The following PRTG variants were observed in gnomAD, a reference collection of about 807,000 sequenced individuals.
PRTG encodes protogenin.
In PRTG, 67 loss-of-function variants were observed where a neutral mutation model predicts 122.5. The observed-to-expected ratio is 0.55, with a 90% CI of 0.45 to 0.67. The LOEUF is 0.67. Ranked by LOEUF, PRTG falls within the 30% of genes least tolerant of loss-of-function variation. The pLI, the probability that PRTG is intolerant of heterozygous loss-of-function variation, is 0.00. For synonymous variants in PRTG, 554 were observed against 501.1 expected, an observed-to-expected ratio of 1.11 and a Z score of -1.41; for missense variants, 1,435 against 1,415.4, an observed-to-expected ratio of 1.01 and a Z score of -0.22.
chr15:55,671,032 C>A (rs558547180), intron 11 of PRTG, among the ~76,000 whole-genome samples: 1 of 151,986 alleles, frequency 6.6e-6, no homozygotes. Context: ...TAACTGAATG[C>A]AGATTAAATT....
intron 11 of PRTG, among the ~76,000 whole-genome samples, chr15:55,659,257 C>G (rs556751226): frequency 2.6e-5 from 4 of 152,130 alleles, no homozygotes; most frequent in Admixed American, 6.5e-5. Flanking sequence ...GTTAGGGAAC[C>G]CTCGTGGGAT....
intron 2 of PRTG, among the ~76,000 whole-genome samples, chr15:55,688,939 A>G (rs1162630925): frequency 6.6e-6 from 1 of 152,190 alleles, no homozygotes; most frequent in East Asian, 1.9e-4. Flanking sequence ...TTGTCACACC[A>G]CTATCAAATT....
At chr15:55,730,874 G>A (rs2031207430) in intron 2 of PRTG, among the ~76,000 whole-genome samples, 1 of 152,158 alleles carries the variant, frequency 6.6e-6, no homozygotes, top group Admixed American at 6.5e-5. Context: ...CTTGAGAAAG[G>A]CACTTACCCC....
intron 11 of PRTG, among the ~76,000 whole-genome samples, chr15:55,654,458 C>T (rs945408250): frequency 3.3e-5 from 5 of 151,980 alleles, no homozygotes; most frequent in East Asian, 1.9e-4. Flanking sequence ...GTTAGAATAG[C>T]GGTGTGTGTG....
chr15:55,679,833 G>C (rs1391103459), intron 6 of PRTG: 3 of 505,254 alleles, frequency 5.9e-6, no homozygotes, highest in Non-Finnish European at 1.0e-5. Context: ...GCCTAAATAA[G>C]AAGGAACATA....
At position 55,640,211 on chromosome 15, in the gene PRTG, G is replaced by T. The variant is rs1457405203; in HGVS notation, c.2138-383C>A. Among the ~76,000 whole-genome samples the T allele has an allele frequency of 2.0e-5, 3 of 152,160 alleles. No individual in the cohort carries two copies. The East Asian group carries it at 5.8e-4, about 29-fold the overall frequency. On this transcript the variant is annotated intron_variant, in intron 12 of 19. Coordinates refer to ENST00000389286, the MANE Select transcript of PRTG (RefSeq NM_173814.6). The stretch of plus-strand genomic sequence containing the variant: ...CTATAAAACTGTATAGCATGATATT[G>T]TACTAAATACTGTGGGCAACTGTAA...
Position 55,620,213 on chromosome 15 carries a change from T to C in PRTG, c.3252A>G (p.Val1084=), listed in dbSNP as rs1567070977. 2.5e-6 allele frequency: 4 copies of C among 1,614,180 alleles called. No homozygotes were observed. The highest frequency in any genetic ancestry group is 2.5e-6 in the Non-Finnish European group (3 of 1,180,032). Residue 1084 remains valine, a synonymous_variant, in exon 20 of 20, where the codon GTA becomes GTG. Coordinates refer to ENST00000389286, the MANE Select transcript of PRTG (RefSeq NM_173814.6). The part of the protein sequence containing the change: ...AVCFYQPGTT[V]LISDEDSPSS... ...TAGGGGAGTCTTCATCACTGATTAATACAGTGGTGCCTGGCTGGTAAAAGC... is the reference window on the plus strand; with the variant it reads ...TAGGGGAGTCTTCATCACTGATTAACACAGTGGTGCCTGGCTGGTAAAAGC...
At chr15:55,638,004 A>T (rs914502754) in intron 14 of PRTG, among the ~76,000 whole-genome samples, 6 of 152,234 alleles carry the variant, frequency 3.9e-5, no homozygotes, top group African/African-American at 1.4e-4. Context: ...CTGTATAATT[A>T]AAATAGAGCA....
rs374422408 is a variant in PRTG, at chr15:55,678,906, A to G, written c.1133+380T>C. Among the ~76,000 whole-genome samples, 20 of 152,354 alleles carry G rather than the reference A, an allele frequency of 1.3e-4. No individual in the cohort carries two copies. In the East Asian group the frequency reaches 2.1e-3, roughly 16 times the overall value. On this transcript the variant is annotated intron_variant, in intron 7 of 19. Transcript: ENST00000389286. ...TAAAATCATTAACTATAGAGAAATT[A>G]TTAGAGAATTATTTCTTCTAATTTC...
Position 55,624,500 on chromosome 15 carries a change from A to G in PRTG, c.2935T>C (p.Ser979Pro), listed in dbSNP as rs780082607. Residue 979 changes from serine (S) to proline (P), a missense_variant, in exon 18 of 20, where the codon TCT becomes CCT. Transcript: ENST00000389286. ...CCATTCTGTGCCGTCTTGGAAGCAG[A>G]TGATTTCCTAAAACATTGGCAAGAA... ...LIYRSKARKS[S>P]ASKTAQNGTQ... 4 of 1,609,514 alleles carry G rather than the reference A, an allele frequency of 2.5e-6. No individual in the cohort carries two copies. The Admixed American group carries it at 6.7e-5, about 27-fold the overall frequency.
chr15:55,687,096 TA>T (rs778912419), intron 2 of PRTG, among the ~76,000 whole-genome samples: 2 of 152,096 alleles, frequency 1.3e-5, no homozygotes, highest in South Asian at 2.1e-4. Context: ...GATTTGGCAC[TA>T]AAAAAAATAT....
intron 11 of PRTG, among the ~76,000 whole-genome samples, chr15:55,647,489 C>T (rs1410628073): frequency 1.3e-5 from 2 of 152,218 alleles, no homozygotes; most frequent in East Asian, 3.8e-4. Context: ...TTACCCCTAA[C>T]AGTTGTATAG....
At chr15:55,740,764 A>C (rs2031584032) in intron 1 of PRTG, 80 bp from the exon 2 acceptor site, 1 of 1,217,460 alleles carries the variant, frequency 8.2e-7, no homozygotes, top group African/African-American at 1.5e-5. Flanking sequence ...TGTAAAACAC[A>C]TATTCAGGGT....
At chr15:55,653,206 C>G (rs2059362396) in intron 11 of PRTG, among the ~76,000 whole-genome samples, 2 of 152,148 alleles carry the variant, frequency 1.3e-5, no homozygotes, top group Admixed American at 6.6e-5. Flanking sequence ...TCCTTCACTT[C>G]TCAAACTTTC....
chr15:55,651,348 G>A (rs918985713), intron 11 of PRTG, among the ~76,000 whole-genome samples: 3 of 152,082 alleles, frequency 2.0e-5, no homozygotes, highest in Non-Finnish European at 4.4e-5. Context: ...ATAAACATTA[G>A]GTAGTAAATT....
In PRTG at chr15:55,677,792, C is replaced by T; in HGVS notation, c.1381+5G>A. The T allele has an allele frequency of 6.2e-7, 1 of 1,612,678 alleles. No individual in the cohort carries two copies. Among genetic ancestry groups the T allele is most frequent in the Non-Finnish European group, 8.5e-7 (1 of 1,179,008 alleles). ...TTAAAAATAAGCACTCCTAAAATCG[C>T]TTACCTTCTGCTTTCATGTAGTGTA... On this transcript the variant is annotated splice_donor_5th_base_variant and intron_variant, in intron 8 of 19. Transcript: ENST00000389286.
chr15:55,712,424 AC>A (rs113109393), intron 2 of PRTG, among the ~76,000 whole-genome samples: 2,402 of 152,264 alleles, frequency 0.016, 72 homozygotes, highest in African/African-American at 0.054. Flanking sequence ...TTTCAACCAA[AC>A]CCACAAATCT....
intron 2 of PRTG, among the ~76,000 whole-genome samples, chr15:55,700,094 T>C (rs915127016): frequency 5.3e-5 from 8 of 152,302 alleles, no homozygotes; most frequent in Admixed American, 4.6e-4. Context: ...GGCAAAAGGT[T>C]AGACATATAC....
At chr15:55,644,154 A>T (rs1391785921) in intron 11 of PRTG, among the ~76,000 whole-genome samples, 1 of 152,186 alleles carries the variant, frequency 6.6e-6, no homozygotes, top group African/African-American at 2.4e-5. Context: ...ATACTTCTTC[A>T]TTCTGTCTCT....
Sources: gnomAD v4.1 joint callset for allele counts (sites outside exome capture counted in the v4.1 genomes callset) on GRCh38, gnomAD v4.1.1 for gene constraint, MANE v1.5 for transcripts, NCBI Gene and HGNC (gene_info 2026-07-23, HGNC 2026-07-21) for gene names.